Variants in PALS1 observed in about 807,000 individuals in gnomAD.
The protein encoded by PALS1 is protein PALS1.
PALS1 carries 31 observed loss-of-function variants against 78.9 expected under a neutral mutation model. That is an observed-to-expected ratio of 0.39 (90% CI 0.30 to 0.53). The LOEUF is 0.53. PALS1 is among the 20% of genes least tolerant of loss of function. PALS1 has a pLI of 0.67. For missense variants in PALS1, 704 were observed against 826.5 expected, an observed-to-expected ratio of 0.85 and a Z score of 1.82; for synonymous variants, 276 against 270.9, an observed-to-expected ratio of 1.02 and a Z score of -0.18.
intron 1 of PALS1, among the ~76,000 whole-genome samples, chr14:67,245,843 C>T (rs925754484): frequency 2.2e-4 from 34 of 151,674 alleles, no homozygotes; most frequent in Admixed American, 7.2e-4. Context: ...GCTCAATCCA[C>T]GGTCAGAGAG....
rs371554231 is a variant in PALS1, at chr14:67,315,307, C to T, written c.1226-1525C>T. On this transcript the variant is annotated intron_variant, in intron 9 of 14. Transcript: ENST00000261681. ...TTTTTTTTTTTTTGAGACAAAATCTCGCTCTGTCTCCCAGGCTGGAGTGCA... is the reference window on the plus strand; with the variant it reads ...TTTTTTTTTTTTTGAGACAAAATCTTGCTCTGTCTCCCAGGCTGGAGTGCA... Among the ~76,000 whole-genome samples the T allele has an allele frequency of 3.3e-4, 39 of 117,580 alleles. No homozygotes were observed. The South Asian group carries it at 3.8e-3, about 11-fold the overall frequency. 77.1% of individuals were successfully genotyped at this position (117,580 alleles called of 152,430 possible).
chr14:67,326,259 T>TTTTTTTTTTG (rs2085356808), intron 14 of PALS1, among the ~76,000 whole-genome samples: 1 of 122,984 alleles, frequency 8.1e-6, no homozygotes, highest in Non-Finnish European at 1.6e-5. Flanking sequence ...TTTTTTTTTT[T>TTTTTTTTTTG]GAGAGGAGAT....
At chr14:67,307,173 CTGAG>C (rs1268358229) in intron 8 of PALS1, among the ~76,000 whole-genome samples, 1 of 152,164 alleles carries the variant, frequency 6.6e-6, no homozygotes, top group Non-Finnish European at 1.5e-5. Flanking sequence ...ATTTCACTTC[CTGAG>C]TAACTGGCAC....
At chr14:67,274,265 T>G (rs1020362507) in intron 2 of PALS1, among the ~76,000 whole-genome samples, 8 of 152,228 alleles carry the variant, frequency 5.3e-5, no homozygotes, top group Admixed American at 2.6e-4. Flanking sequence ...GGTCTAACAT[T>G]TAAGTCTTTA....
rs1395334125 is a variant in PALS1, at chr14:67,303,480, A to C, written c.964-42A>C. On this transcript the variant is annotated intron_variant, in intron 7 of 14. Coordinates refer to ENST00000261681, the MANE Select transcript of PALS1 (RefSeq NM_022474.4). ...ATCATAAAATCATGGAATGATTTTC[A>C]TAAATGCAAATTTAAAAAATAACCT... 5 of 1,469,954 alleles carry C rather than the reference A, an allele frequency of 3.4e-6. No homozygotes were observed. The African/African-American group carries it at 4.2e-5, about 12-fold the overall frequency. 91.1% of individuals were successfully genotyped at this position (1,469,954 alleles called of 1,614,324 possible). A position where few individuals can be genotyped will look rare whatever the true frequency, so the allele number is the denominator to read the frequency against.
rs1392695288 is a variant in PALS1, at chr14:67,333,852, G to T, written c.*896G>T. The T allele has an allele frequency of 6.6e-6, 1 of 152,410 alleles. No individual in the cohort carries two copies. The highest frequency in any genetic ancestry group is 1.9e-4 in the East Asian group (1 of 5,184). The allele number at this position is 152,410 out of a possible 1,614,324, so 9.4% of individuals were successfully genotyped here. A position where few individuals can be genotyped will look rare whatever the true frequency, so the allele number is the denominator to read the frequency against. On this transcript the variant is annotated 3_prime_UTR_variant, in exon 15 of 15. Coordinates refer to ENST00000261681, the MANE Select transcript of PALS1 (RefSeq NM_022474.4). ...TTCCTCATGATGCTAATAGTTTTTT[G>T]TATACATGGGAGGATAGCACATTTG...
At chr14:67,289,866 G>A (rs1031269245) in intron 3 of PALS1, among the ~76,000 whole-genome samples, 1 of 150,918 alleles carries the variant, frequency 6.6e-6, no homozygotes, top group African/African-American at 2.4e-5. Flanking sequence ...TGCCTCCTGG[G>A]TTCACGCCAT....
intron 3 of PALS1, among the ~76,000 whole-genome samples, chr14:67,284,022 G>T (rs1046459192): frequency 6.6e-6 from 1 of 151,902 alleles, no homozygotes; most frequent in Non-Finnish European, 1.5e-5. Context: ...ATTGACTTTG[G>T]GCATGTTACT....
At chr14:67,328,813 C>T (rs1479541013) in intron 14 of PALS1, among the ~76,000 whole-genome samples, 1 of 152,142 alleles carries the variant, frequency 6.6e-6, no homozygotes, top group East Asian at 1.9e-4. Context: ...TTTCTGAGGG[C>T]TCTGTTCTGT....
intron 8 of PALS1, among the ~76,000 whole-genome samples, chr14:67,311,498 T>C (rs7153965): frequency 0.15 from 23,521 of 152,064 alleles, 3,437 homozygotes; most frequent in East Asian, 0.42. Flanking sequence ...TGAGATCTCA[T>C]TAGATGAAGT....
At chr14:67,256,247 ATCT>A (rs150334538) in intron 1 of PALS1, among the ~76,000 whole-genome samples, 3,881 of 152,296 alleles carry the variant, frequency 0.025, 74 homozygotes, top group Non-Finnish European at 0.036. Flanking sequence ...CTTTATAAAC[ATCT>A]TCTATGTATA....
At chr14:67,248,301 G>A (rs1156418129) in intron 1 of PALS1, among the ~76,000 whole-genome samples, 2 of 151,816 alleles carry the variant, frequency 1.3e-5, no homozygotes, top group African/African-American at 2.4e-5. Context: ...TGGGAGGGTC[G>A]CTTGAGCCCA....
At chr14:67,307,590 A>T (rs1051782018) in intron 8 of PALS1, among the ~76,000 whole-genome samples, 1 of 152,238 alleles carries the variant, frequency 6.6e-6, no homozygotes, top group African/African-American at 2.4e-5. Context: ...CATTATAGGT[A>T]TAAAAATGTA....
rs540732924 is a variant in PALS1 at position 67,334,874 on chromosome 14, A to G, written c.*1918A>G. On this transcript the variant is annotated 3_prime_UTR_variant, in exon 15 of 15. Coordinates refer to ENST00000261681, the MANE Select transcript of PALS1 (RefSeq NM_022474.4). ...AATGAAGTGTAGTCTATGGTTGACA[A>G]TGGAGTTTTGTGATCCTGCTTATTG... The G allele has an allele frequency of 1.6e-4, 24 of 152,282 alleles. No homozygotes were observed. The South Asian group carries it at 4.6e-3, about 29-fold the overall frequency. The allele number at this position is 152,282 out of a possible 1,614,324, so 9.4% of individuals were successfully genotyped here.
chr14:67,284,593 G>C (rs1009888669), intron 3 of PALS1, among the ~76,000 whole-genome samples: 9 of 101,462 alleles, frequency 8.9e-5, no homozygotes, highest in Non-Finnish European at 1.6e-4. Context: ...AAAAAAGGTT[G>C]TGCAATCATC....
At chr14:67,302,679 A>G in intron 7 of PALS1, 108 bp downstream of exon 7, 1 of 882,144 alleles carries the variant, frequency 1.1e-6, no homozygotes, top group Non-Finnish European at 1.6e-6. Context: ...GATGATTTCT[A>G]GCCTGATTTT....
At chr14:67,296,424 T>C (rs58287888) in intron 4 of PALS1, among the ~76,000 whole-genome samples, 23,282 of 151,282 alleles carry the variant, frequency 0.15, 3,336 homozygotes, top group East Asian at 0.41. Context: ...CATGGTGAAA[T>C]GCTGTCTCTA....
intron 11 of PALS1, among the ~76,000 whole-genome samples, chr14:67,319,805 G>A (rs971390652): frequency 9.9e-5 from 15 of 152,134 alleles, no homozygotes; most frequent in African/African-American, 2.7e-4. Context: ...TGTAAATGTC[G>A]GTCTATGCTA....
intron 1 of PALS1, chr14:67,241,939 TAGAAGTC>T (rs956631417): frequency 6.6e-6 from 1 of 152,202 alleles, no homozygotes. Context: ...CGCTTTCCTT[TAGAAGTC>T]AGAATGTAGT....
Sources: gnomAD v4.1 joint callset for allele counts (sites outside exome capture counted in the v4.1 genomes callset) on GRCh38, gnomAD v4.1.1 for gene constraint, MANE v1.5 for transcripts, NCBI Gene and HGNC (gene_info 2026-07-23, HGNC 2026-07-21) for gene names.